EEFSEC: variants seen among roughly 807,000 people sequenced by gnomAD.
EEFSEC encodes selenocysteine-specific elongation factor.
Under a neutral mutation model 42.1 loss-of-function variants are expected in EEFSEC, and 43 were observed. That is an observed-to-expected ratio of 1.02 (90% confidence interval 0.80 to 1.32). The LOEUF (loss-of-function observed/expected upper bound fraction) is 1.32. EEFSEC is among the 40% of genes most tolerant of loss of function. The pLI is 0.00. For missense variants in EEFSEC, 745 were observed against 803.6 expected (o/e 0.93, Z 0.88); for synonymous variants, 354 against 339.1 (o/e 1.04, Z -0.48).
intron 5 of EEFSEC, among the ~76,000 whole-genome samples, chr3:128,350,719 G>A (rs1292974993): frequency 6.6e-6 from 1 of 152,208 alleles, no homozygotes; most frequent in Admixed American, 6.5e-5. Flanking sequence ...AGCCAGTTCT[G>A]GAAACTGATG....
intron 4 of EEFSEC, among the ~76,000 whole-genome samples, chr3:128,335,399 G>T (rs977245219): frequency 6.6e-6 from 1 of 152,152 alleles, no homozygotes; most frequent in African/African-American, 2.4e-5. Context: ...TGATACAGTG[G>T]CATCCAAGCA....
intron 1 of EEFSEC, among the ~76,000 whole-genome samples, chr3:128,165,916 C>A (rs2107768425): frequency 6.6e-6 from 1 of 152,332 alleles, no homozygotes; most frequent in Middle Eastern, 3.4e-3. Context: ...TTCCCAGATA[C>A]ATGACGGTGT....
intron 1 of EEFSEC, among the ~76,000 whole-genome samples, chr3:128,160,625 A>AGATCGG (rs1559848169): frequency 6.6e-6 from 1 of 152,208 alleles, no homozygotes; most frequent in Non-Finnish European, 1.5e-5. Flanking sequence ...CATCCCTGGG[A>AGATCGG]GATCGGGCTC....
intron 1 of EEFSEC, among the ~76,000 whole-genome samples, chr3:128,183,012 G>A (rs1435868661): frequency 3.3e-5 from 5 of 152,044 alleles, no homozygotes; most frequent in African/African-American, 7.2e-5. Flanking sequence ...TTGGAATCCC[G>A]CTGATCCAGG....
chr3:128,358,396 G>A (rs377481797), intron 6 of EEFSEC, 23 bp downstream of exon 6: 126 of 1,613,150 alleles, frequency 7.8e-5, no homozygotes, highest in Non-Finnish European at 9.8e-5. Context: ...ACTTCCTCCC[G>A]GTTTAGGGAC....
intron 1 of EEFSEC, among the ~76,000 whole-genome samples, chr3:128,226,413 T>C (rs2065907784): frequency 6.6e-6 from 1 of 152,136 alleles, no homozygotes; most frequent in Admixed American, 6.5e-5. Context: ...CAGCGGTTGG[T>C]GCCTCTGGTC....
intron 1 of EEFSEC, among the ~76,000 whole-genome samples, chr3:128,218,084 T>G (rs2065827606): frequency 6.6e-6 from 1 of 152,078 alleles, no homozygotes; most frequent in Admixed American, 6.5e-5. Context: ...CTTTTCTTGG[T>G]TTTTCAAGTC....
chr3:128,161,069 T>C (rs1217064476), intron 1 of EEFSEC, among the ~76,000 whole-genome samples: 1 of 152,168 alleles, frequency 6.6e-6, no homozygotes, highest in Non-Finnish European at 1.5e-5. Flanking sequence ...ACCCAGTTAG[T>C]AAGTGTCAGA....
At chr3:128,205,314 G>A (rs1182752026) in intron 1 of EEFSEC, among the ~76,000 whole-genome samples, 3 of 152,148 alleles carry the variant, frequency 2.0e-5, no homozygotes, top group Non-Finnish European at 4.4e-5. Context: ...GTCTACTGAG[G>A]AGACAAACAC....
intron 4 of EEFSEC, among the ~76,000 whole-genome samples, chr3:128,332,120 T>G (rs1367759686): frequency 6.6e-6 from 1 of 152,194 alleles, no homozygotes; most frequent in Non-Finnish European, 1.5e-5. Flanking sequence ...TTATTGTATG[T>G]TTTTTGACAG....
chr3:128,300,988 G>T (rs2108003119), intron 4 of EEFSEC, among the ~76,000 whole-genome samples: 1 of 152,148 alleles, frequency 6.6e-6, no homozygotes, highest in South Asian at 2.1e-4. Context: ...CTGATTTCAG[G>T]TTTTTGTACT....
intron 1 of EEFSEC, among the ~76,000 whole-genome samples, chr3:128,180,026 A>G (rs959868390): frequency 6.6e-6 from 1 of 152,172 alleles, no homozygotes; most frequent in African/African-American, 2.4e-5. Context: ...GAATAATTGC[A>G]TTTAAAATCT....
At chr3:128,282,163 C>G (rs1201064062) in intron 4 of EEFSEC, among the ~76,000 whole-genome samples, 1 of 152,246 alleles carries the variant, frequency 6.6e-6, no homozygotes, top group Non-Finnish European at 1.5e-5. Context: ...CTGCTGTGAG[C>G]AGAGTTCTCA....
At chr3:128,386,983 C>T (rs1010297524) in intron 6 of EEFSEC, among the ~76,000 whole-genome samples, 11 of 152,224 alleles carry the variant, frequency 7.2e-5, no homozygotes, top group African/African-American at 2.4e-4. Context: ...CCTCTGCAGC[C>T]TCCTCCCAGG....
At chr3:128,336,918 C>T (rs2067196014) in intron 4 of EEFSEC, 1 of 152,166 alleles carries the variant, frequency 6.6e-6, no homozygotes, top group Non-Finnish European at 1.5e-5. Flanking sequence ...TGGGCCTGGT[C>T]CTGAGAGAAG....
chr3:128,230,734 C>T (rs73861032), intron 1 of EEFSEC, among the ~76,000 whole-genome samples: 2,880 of 152,252 alleles, frequency 0.019, 80 homozygotes, highest in African/African-American at 0.063. Flanking sequence ...AGACAGGTCT[C>T]GCTTAGCATG....
chr3:128,222,452 G>A (rs1156338707), intron 1 of EEFSEC, among the ~76,000 whole-genome samples: 1 of 152,130 alleles, frequency 6.6e-6, no homozygotes, highest in Non-Finnish European at 1.5e-5. Flanking sequence ...AACTATTTTG[G>A]CATTTTTTTC....
intron 1 of EEFSEC, among the ~76,000 whole-genome samples, chr3:128,221,510 T>G (rs9845651): frequency 0.71 from 107,784 of 152,110 alleles, 38,428 homozygotes; most frequent in East Asian, 0.89. Flanking sequence ...CCTCATATCT[T>G]CATCACTGGT....
At chr3:128,328,398 C>T (rs111744888) in intron 4 of EEFSEC, among the ~76,000 whole-genome samples, 4 of 152,302 alleles carry the variant, frequency 2.6e-5, no homozygotes, top group African/African-American at 9.6e-5. Context: ...TGCAGGTAGG[C>T]AAGGTCCAGG....
Sources: allele counts gnomAD v4.1 joint callset (sites outside exome capture counted in the v4.1 genomes callset), GRCh38; gene constraint gnomAD v4.1.1; transcripts MANE v1.5; gene names NCBI Gene and HGNC (gene_info 2026-07-23, HGNC 2026-07-21).